The following CELSR1 variants were observed in gnomAD, a reference collection of about 807,000 sequenced individuals.
CELSR1 encodes the protein cadherin EGF LAG seven-pass G-type receptor 1.
A neutral mutation model predicts 249.1 loss-of-function variants in CELSR1; 110 were observed. The observed-to-expected ratio is 0.44, with a 90% CI of 0.38 to 0.52. The LOEUF is 0.52. Ranked by LOEUF, CELSR1 falls within the 20% of genes least tolerant of loss-of-function variation. The probability of loss-of-function intolerance (pLI) is 0.00; values close to 1 mark genes in which losing one functional copy is unlikely to be tolerated. For missense variants in CELSR1, 4,109 were observed against 4,296.4 expected (o/e 0.96, Z 1.22); for synonymous variants, 2,113 against 1,900.0 (o/e 1.11, Z -2.92).
chr22:46,443,943 C>T (rs562837923), intron 2 of CELSR1, among the ~76,000 whole-genome samples: 58 of 152,380 alleles, frequency 3.8e-4, no homozygotes, highest in African/African-American at 1.3e-3. Context: ...CCAAGCACAG[C>T]ACACTCTGGA....
chr22:46,455,186 T>C (rs945696435), intron 2 of CELSR1, among the ~76,000 whole-genome samples: 24 of 152,176 alleles, frequency 1.6e-4, no homozygotes, highest in African/African-American at 5.6e-4. Flanking sequence ...GCAGGGACCT[T>C]GGCTTTGAAT....
At chr22:46,373,691 AGAAGGGGGAGAT>A (rs1569111407) in intron 24 of CELSR1, among the ~76,000 whole-genome samples, 2,110 of 79,676 alleles carry the variant, frequency 0.026, 92 homozygotes, top group African/African-American at 0.092. Flanking sequence ...GAGATGGGGG[AGAAGGGGGAGAT>A]GGGGGAGATG....
chr22:46,389,809 C>T (rs2079069947), intron 17 of CELSR1, among the ~76,000 whole-genome samples: 1 of 152,006 alleles, frequency 6.6e-6, no homozygotes, highest in Non-Finnish European at 1.5e-5. Flanking sequence ...AAAAAATTAG[C>T]AGGGTGTGGT....
In CELSR1 at chr22:46,384,533, G is replaced by A; in HGVS notation, c.6883+10C>T. On this transcript the variant is annotated intron_variant, in intron 20 of 34. Coordinates refer to ENST00000674500, the MANE Select transcript of CELSR1 (RefSeq NM_001378328.1). ...TCCGAGGGCAGCAGCAGGTTTCTAA[G>A]CGGTTTTACCTTTTTCTTCAGGTGG... 6.3e-7 allele frequency: 1 copy of A among 1,591,876 alleles called. No homozygotes were observed. The highest frequency in any genetic ancestry group is 8.6e-7 in the Non-Finnish European group (1 of 1,169,154).
intron 5 of CELSR1, among the ~76,000 whole-genome samples, chr22:46,421,033 C>T (rs574930041): frequency 5.9e-5 from 9 of 152,204 alleles, no homozygotes; most frequent in Non-Finnish European, 8.8e-5. Flanking sequence ...CGCCTAAACC[C>T]GGCCCTCCCA....
chr22:46,491,151 G>A (rs934915660), intron 1 of CELSR1, among the ~76,000 whole-genome samples: 1 of 150,424 alleles, frequency 6.6e-6, no homozygotes, highest in East Asian at 2.0e-4. Context: ...CAGTAGCACC[G>A]CCCTCCATAC....
rs376290562 is a variant in CELSR1, at chr22:46,369,825, G to T, written c.7760-21C>A. ...CAGTCCTGAACACAGCGGGGAGGAA[G>T]GGAAGGGTGAGGGCCACGTGCCCAG... On this transcript the variant is annotated intron_variant, in intron 25 of 34. Coordinates refer to ENST00000674500, the MANE Select transcript of CELSR1 (RefSeq NM_001378328.1). 5.0e-6 allele frequency: 8 copies of T among 1,609,142 alleles called. No individual in the cohort carries two copies. The African/African-American group carries it at 9.3e-5, about 19-fold the overall frequency.
rs2079352755 is a variant in CELSR1 at position 46,412,733 on chromosome 22, C to T, written c.4612-974G>A. Reference sequence around the variant, plus strand: ...CCCTTCCAGGAGGAAAAGCAGCACCCGCCCTACACAATCCATGCTGGCCAC... The same window carrying T: ...CCCTTCCAGGAGGAAAAGCAGCACCTGCCCTACACAATCCATGCTGGCCAC... On this transcript the variant is annotated intron_variant, in intron 5 of 34. Coordinates refer to ENST00000674500, the MANE Select transcript of CELSR1 (RefSeq NM_001378328.1). This position sits in a 1 kb window ranked among gnomAD's most constrained non-coding sequence, Gnocchi z 4.5. Among the ~76,000 whole-genome samples the T allele has an allele frequency of 6.6e-6, 1 of 152,138 alleles. No individual in the cohort carries two copies. Among genetic ancestry groups the T allele is most frequent in the African/African-American group, 2.4e-5 (1 of 41,430 alleles).
Position 46,433,422 on chromosome 22 carries a change from G to C in CELSR1, c.4582C>G (p.His1528Asp). Residue 1528 changes from histidine to aspartate, a missense_variant, in exon 5 of 35, where the codon CAC (histidine) becomes GAC (aspartate). Physicochemically the swap from His to Asp is moderately conservative, Grantham distance 81. Around this residue, in one of 7 missense-constraint regions of CELSR1, gnomAD observed 453 missense variants for 492.0 expected, o/e 0.92. Coordinates refer to ENST00000674500, the MANE Select transcript of CELSR1 (RefSeq NM_001378328.1). This position sits in a 1 kb window ranked among gnomAD's most constrained non-coding sequence, Gnocchi z 5.7. Reference sequence around the variant, plus strand: ...TTGTAGTACTGCACCTGCACAGAGTGCCACCGCCCGTCACTCACACCACTG... The same window carrying C: ...TTGTAGTACTGCACCTGCACAGAGTCCCACCGCCCGTCACTCACACCACTG... Reference protein sequence around the residue: ...VPSGVSDGRWHSVQVQYYNKP... With the variant: ...VPSGVSDGRWDSVQVQYYNKP... 1 of 1,613,958 alleles carries C rather than the reference G, an allele frequency of 6.2e-7. No individual in the cohort carries two copies. The highest frequency in any genetic ancestry group is 8.5e-7 in the Non-Finnish European group (1 of 1,179,928).
At chr22:46,453,391 A>C (rs1403344330) in intron 2 of CELSR1, among the ~76,000 whole-genome samples, 1 of 152,196 alleles carries the variant, frequency 6.6e-6, no homozygotes, top group Non-Finnish European at 1.5e-5. Flanking sequence ...CAGACAGTGC[A>C]CTAGTGACAG....
intron 5 of CELSR1, among the ~76,000 whole-genome samples, chr22:46,422,711 G>A (rs534615237): frequency 1.3e-5 from 2 of 149,374 alleles, no homozygotes; most frequent in Admixed American, 1.3e-4. Context: ...AGCTTGCAGT[G>A]AGCTGAGATC....
At chr22:46,367,198 A>G (rs2078795337) in intron 28 of CELSR1, 80 bp from the exon 29 acceptor site, 59 of 1,523,822 alleles carry the variant, frequency 3.9e-5, no homozygotes, top group Non-Finnish European at 5.2e-5. Context: ...ACAGATGCGC[A>G]TACAGCCTTG....
At chr22:46,477,353 G>A (rs1302570760) in intron 1 of CELSR1, among the ~76,000 whole-genome samples, 3 of 152,170 alleles carry the variant, frequency 2.0e-5, no homozygotes, top group East Asian at 3.8e-4. Flanking sequence ...TCTCTGCTTT[G>A]CTTCAAGTCC....
In CELSR1 at chr22:46,484,912, C is replaced by T. The variant is rs1252208441; in HGVS notation, c.3545-20567G>A. Among the ~76,000 whole-genome samples the T allele has an allele frequency of 6.6e-6, 1 of 151,580 alleles. No homozygotes were observed. The highest frequency in any genetic ancestry group is 6.6e-5 in the Admixed American group (1 of 15,156). On this transcript the variant is annotated intron_variant, in intron 1 of 34. Transcript: ENST00000674500. This position sits in a 1 kb window ranked among gnomAD's most constrained non-coding sequence, Gnocchi z 4.5. ...GGCCCAGACGTCTATTAATTTGCAA[C>T]TTGCATTGAAACTGCTGAGAACAGA...
At chr22:46,384,470 C>A (rs2079010982) in intron 20 of CELSR1, 73 bp downstream of exon 20, 3 of 1,483,320 alleles carry the variant, frequency 2.0e-6, no homozygotes, top group African/African-American at 1.4e-5. Context: ...TCCTGCGATG[C>A]CCGCAGCGGG....
rs563427487 is a variant in CELSR1 at position 46,403,897 on chromosome 22, C to T, written c.5227-3995G>A. Among the ~76,000 whole-genome samples the T allele has an allele frequency of 2.2e-4, 31 of 141,134 alleles. 1 individual carries two copies. Among genetic ancestry groups the T allele is most frequent in the Admixed American group, 9.8e-4 (13 of 13,326 alleles). The allele number at this position is 141,134 out of a possible 152,430, so 92.6% of individuals were successfully genotyped here. A position where few individuals can be genotyped will look rare whatever the true frequency, so the allele number is the denominator to read the frequency against. ...CTGAGGCAAGGGAATCCCTTGAACC[C>T]GGGAGGTGGAGGCTGCAGTGAGCTG... On this transcript the variant is annotated intron_variant, in intron 9 of 34. Transcript: ENST00000674500.
At chr22:46,509,229 G>A (rs1007665141) in intron 1 of CELSR1, among the ~76,000 whole-genome samples, 2 of 152,194 alleles carry the variant, frequency 1.3e-5, no homozygotes, top group Non-Finnish European at 2.9e-5. Context: ...GTCTGGACAA[G>A]GGGGTGCAGA....
rs2079839600 is a variant in CELSR1, at chr22:46,447,976, C to T, written c.4184-8565G>A. Among the ~76,000 whole-genome samples, 1 of 152,238 alleles carries T rather than the reference C, an allele frequency of 6.6e-6. No individual in the cohort carries two copies. Among genetic ancestry groups the T allele is most frequent in the Admixed American group, 6.5e-5 (1 of 15,294 alleles). On this transcript the variant is annotated intron_variant, in intron 2 of 34. Coordinates refer to ENST00000674500, the MANE Select transcript of CELSR1 (RefSeq NM_001378328.1). This position sits in a 1 kb window ranked among gnomAD's most constrained non-coding sequence, Gnocchi z 4.7. ...TCCCAGGAGCCAAGGCCCATCCAGC[C>T]CTCATGGCCTCATGCACCTGCCCCG...
chr22:46,393,792 G>A lies in CELSR1; in HGVS notation c.5964+350C>T, dbSNP rs530878568. Among the ~76,000 whole-genome samples, 20 of 152,076 alleles carry A rather than the reference G, an allele frequency of 1.3e-4. No homozygotes were observed. The highest frequency in any genetic ancestry group is 2.1e-4 in the South Asian group (1 of 4,816). ...GGCCAACCAGGAGGCCAGGAGGGCC[G>A]GGGTGGTGCCATAGATGAGCCAGCC... On this transcript the variant is annotated intron_variant, in intron 14 of 34. Coordinates refer to ENST00000674500, the MANE Select transcript of CELSR1 (RefSeq NM_001378328.1). The surrounding 1 kb of genome is among the most constrained non-coding windows in gnomAD (Gnocchi z 4.1).
Sources: allele counts gnomAD v4.1 joint callset (sites outside exome capture counted in the v4.1 genomes callset), GRCh38; gene constraint gnomAD v4.1.1; regional missense constraint gnomAD v4.1.1; non-coding constraint Gnocchi (gnomAD v3.1); transcripts MANE v1.5; gene names NCBI Gene and HGNC (gene_info 2026-07-23, HGNC 2026-07-21).